Variants in CLEC17A observed in about 807,000 individuals in gnomAD.
The protein encoded by CLEC17A is C-type lectin domain family 17, member A.
CLEC17A carries 37 observed loss-of-function variants against 61.3 expected under a neutral mutation model. The observed-to-expected ratio is 0.60, with a 90% confidence interval of 0.46 to 0.79. CLEC17A has a LOEUF of 0.79. CLEC17A is among the 30% of genes least tolerant of loss of function. The pLI, the probability that CLEC17A is intolerant of heterozygous loss-of-function variation, is 0.00. For synonymous variants in CLEC17A, 168 were observed against 164.9 expected (o/e 1.02, Z -0.14); for missense variants, 418 against 464.7 (o/e 0.90, Z 0.92).
intron 2 of CLEC17A, among the ~76,000 whole-genome samples, chr19:14,587,233 A>ATGTGTGTGTGTGTG (rs3049160): frequency 2.8e-5 from 4 of 145,306 alleles, no homozygotes; most frequent in Non-Finnish European, 6.0e-5. Flanking sequence ...CCAGAGAAAG[A>ATGTGTGTGTGTGTG]TGTGTGTGTG....
In CLEC17A at chr19:14,610,691, T is replaced by C. The variant is rs1345412851; in HGVS notation, c.*495T>C. On this transcript the variant is annotated 3_prime_UTR_variant, in exon 14 of 14. Transcript: ENST00000417570. Reference sequence around the variant, plus strand: ...CGCACCACCATGCCTGGCCAATTTTTTGTAGCATTTAAAGAGAGGGAGTCT... The same window carrying C: ...CGCACCACCATGCCTGGCCAATTTTCTGTAGCATTTAAAGAGAGGGAGTCT... 1 of 156,588 alleles carries C rather than the reference T, an allele frequency of 6.4e-6. No individual in the cohort carries two copies. The highest frequency in any genetic ancestry group is 1.4e-5 in the Non-Finnish European group (1 of 70,700). The allele number at this position is 156,588 out of a possible 1,614,324, so 9.7% of individuals were successfully genotyped here.
At chr19:14,607,143 T>C in intron 13 of CLEC17A, 41 bp downstream of exon 13, 1 of 998,678 alleles carries the variant, frequency 1.0e-6, no homozygotes, top group South Asian at 3.5e-5. Flanking sequence ...GCTTCCTCTG[T>C]GGGCCCTGAC....
chr19:14,583,065 G>A (rs573709088), upstream of CLEC17A: 1 of 1,369,904 alleles, frequency 7.3e-7, no homozygotes, highest in East Asian at 2.3e-5. Context: ...GAAAGGAAAA[G>A]GGAACTGAGA....
chr19:14,593,586 C>T (rs545837408), intron 4 of CLEC17A, among the ~76,000 whole-genome samples: 4 of 152,096 alleles, frequency 2.6e-5, no homozygotes, highest in Non-Finnish European at 1.5e-5. Context: ...TGCTAGAACC[C>T]GGGAGTTCAA....
At chr19:14,584,249 G>A (rs2146658107) in intron 2 of CLEC17A, 1 of 152,140 alleles carries the variant, frequency 6.6e-6, no homozygotes, top group South Asian at 2.1e-4. Context: ...GGGAGCAGGG[G>A]ACCACCAGGT....
At chr19:14,598,773 C>T (rs2074624689) in intron 10 of CLEC17A, among the ~76,000 whole-genome samples, 1 of 152,074 alleles carries the variant, frequency 6.6e-6, no homozygotes. Flanking sequence ...CTGCGCCCGG[C>T]CTAGCAAGAC....
At chr19:14,583,940 G>A (rs2074225121) in intron 2 of CLEC17A, among the ~76,000 whole-genome samples, 1 of 151,884 alleles carries the variant, frequency 6.6e-6, no homozygotes. Context: ...TTGTTAAAGT[G>A]GAGGTTTGGG....
chr19:14,599,006 G>A (rs1880581986), intron 10 of CLEC17A, among the ~76,000 whole-genome samples: 1 of 147,732 alleles, frequency 6.8e-6, no homozygotes, highest in Non-Finnish European at 1.5e-5. Flanking sequence ...TTGATCTCAA[G>A]CTTTTCTGAG....
intron 2 of CLEC17A, among the ~76,000 whole-genome samples, chr19:14,587,233 A>ATG (rs3049160): frequency 0.064 from 9,254 of 145,360 alleles, 348 homozygotes; most frequent in East Asian, 0.15. Flanking sequence ...CCAGAGAAAG[A>ATG]TGTGTGTGTG....
chr19:14,581,862 A>G (rs530365066), upstream of CLEC17A, among the ~76,000 whole-genome samples: 7 of 150,930 alleles, frequency 4.6e-5, no homozygotes, highest in Non-Finnish European at 8.9e-5. Context: ...ATGTTGGCCA[A>G]GCTGGTCTTA....
upstream of CLEC17A, among the ~76,000 whole-genome samples, chr19:14,581,609 G>C (rs2074183240): frequency 6.6e-6 from 1 of 151,984 alleles, no homozygotes; most frequent in East Asian, 1.9e-4. Context: ...TGGGATTACA[G>C]GCGTGAGCCA....
upstream of CLEC17A, among the ~76,000 whole-genome samples, chr19:14,581,947 C>T (rs886245499): frequency 6.6e-6 from 1 of 150,818 alleles, no homozygotes. Context: ...CCACTGCACC[C>T]GGCCAGATTA....
intron 2 of CLEC17A, 101 bp from the exon 3 acceptor site, chr19:14,587,513 G>A: frequency 3.0e-6 from 4 of 1,354,080 alleles, no homozygotes; most frequent in Non-Finnish European, 4.0e-6. Flanking sequence ...AAGATCCAGG[G>A]TACAGAATCC....
chr19:14,595,741 T>C (rs2146700258), intron 8 of CLEC17A, among the ~76,000 whole-genome samples: 1 of 152,016 alleles, frequency 6.6e-6, no homozygotes, highest in African/African-American at 2.4e-5. Context: ...ATGGTGGAGA[T>C]AGTGATGGTG....
chr19:14,591,866 C>G (rs1272603746), intron 3 of CLEC17A, among the ~76,000 whole-genome samples: 2 of 150,746 alleles, frequency 1.3e-5, no homozygotes, highest in African/African-American at 2.5e-5. Flanking sequence ...CCCATTGTTT[C>G]TTCCGTGTGT....
At chr19:14,597,037 T>G in intron 9 of CLEC17A, 24 bp downstream of exon 9, 1 of 1,611,112 alleles carries the variant, frequency 6.2e-7, no homozygotes, top group Non-Finnish European at 8.5e-7. Flanking sequence ...GGAAGGGACA[T>G]GGGGAGAGAT....
At chr19:14,607,520 G>A (rs1404598028) in intron 13 of CLEC17A, among the ~76,000 whole-genome samples, 1 of 149,866 alleles carries the variant, frequency 6.7e-6, no homozygotes, top group African/African-American at 2.4e-5. Context: ...GGTTTTTACT[G>A]GTACAGCTCT....
At chr19:14,602,346 G>A (rs916672968) in intron 12 of CLEC17A, among the ~76,000 whole-genome samples, 18 of 152,160 alleles carry the variant, frequency 1.2e-4, no homozygotes, top group Non-Finnish European at 2.4e-4. Context: ...CTGGAGTGCA[G>A]TGGCGCAGCC....
Position 14,611,264 on chromosome 19 carries a change from A to C in CLEC17A, c.*1068A>C, listed in dbSNP as rs2075032804. On this transcript the variant is annotated 3_prime_UTR_variant, in exon 14 of 14. Transcript: ENST00000417570. ...AGCACAAATAACCCAGAAACCATCA[A>C]AATTATTTTTGACCAGCAACTTTCT... 6.6e-6 allele frequency: 1 copy of C among 152,028 alleles called. No homozygotes were observed. Among genetic ancestry groups the C allele is most frequent in the Admixed American group, 6.6e-5 (1 of 15,246 alleles). 9.4% of individuals were successfully genotyped at this position (152,028 alleles called of 1,614,324 possible). A position where few individuals can be genotyped will look rare whatever the true frequency, so the allele number is the denominator to read the frequency against.
Sources: allele counts gnomAD v4.1 joint callset (sites outside exome capture counted in the v4.1 genomes callset), GRCh38; gene constraint gnomAD v4.1.1; transcripts MANE v1.5; gene names NCBI Gene and HGNC (gene_info 2026-07-23, HGNC 2026-07-21).